The following LBP variants were observed in gnomAD, a reference collection of about 807,000 sequenced individuals.
LBP encodes lipopolysaccharide-binding protein.
LBP carries 53 observed loss-of-function variants against 56.6 expected under a neutral mutation model. The observed-to-expected ratio is 0.94, with a 90% CI of 0.75 to 1.18. The LOEUF is 1.18. LBP is among the 50% of genes most tolerant of loss of function. The probability of loss-of-function intolerance (pLI) is 0.00; values close to 1 mark genes in which losing one functional copy is unlikely to be tolerated. For synonymous variants in LBP, 227 were observed against 247.5 expected, an observed-to-expected ratio of 0.92 and a Z score of 0.78; for missense variants, 601 against 598.3, an observed-to-expected ratio of 1.00 and a Z score of -0.05.
At chr20:38,372,146 T>G (rs916851889) in intron 12 of LBP, among the ~76,000 whole-genome samples, 1 of 152,146 alleles carries the variant, frequency 6.6e-6, no homozygotes, top group African/African-American at 2.4e-5. Flanking sequence ...AAAATCAGTG[T>G]GGGCCAAAGT....
chr20:38,361,813 G>A (rs6025169), intron 6 of LBP, among the ~76,000 whole-genome samples: 9,916 of 151,986 alleles, frequency 0.065, 444 homozygotes, highest in African/African-American at 0.11. Flanking sequence ...GCTCCCAACC[G>A]AGAAACAGAA....
chr20:38,358,079 G>A (rs2076847543), intron 5 of LBP, among the ~76,000 whole-genome samples: 1 of 152,112 alleles, frequency 6.6e-6, no homozygotes, highest in Non-Finnish European at 1.5e-5. Flanking sequence ...AGCTCATCTG[G>A]TGACTAAGAA....
At chr20:38,371,848 C>T (rs1027848833) in intron 12 of LBP, among the ~76,000 whole-genome samples, 8 of 152,150 alleles carry the variant, frequency 5.3e-5, no homozygotes, top group African/African-American at 1.9e-4. Context: ...TCTGTGCTAG[C>T]TCTCATTGGA....
In LBP at chr20:38,374,950, A is replaced by T. The variant is rs1600732427; in HGVS notation, c.1401+937A>T. On this transcript the variant is annotated intron_variant, in intron 14 of 14. Transcript: ENST00000217407. ...AGGCTCCCGCCACCACTCCCAGCTA[A>T]TTTTTTTTTTTTTTTTTTGTATTTT... 5.5e-5 allele frequency among the ~76,000 whole-genome samples: 7 copies of T among 127,142 alleles called. No homozygotes were observed. The South Asian group carries it at 1.0e-3, about 19-fold the overall frequency. 83.4% of individuals were successfully genotyped at this position (127,142 alleles called of 152,430 possible).
At position 38,370,774 on chromosome 20, in the gene LBP, A is replaced by G. The variant is rs755634093; in HGVS notation, c.1186A>G (p.Ser396Gly). Residue 396 changes from serine (S) to glycine (G), a missense_variant, in exon 11 of 15, where the codon AGC (serine) becomes GGC (glycine). Ser to Gly is a moderately conservative substitution (Grantham distance 56, BLOSUM62 0). Transcript: ENST00000217407. ...GTCCGCCACCTTGACCTTCAATACC[A>G]GCAAGATCACTGGGTTCCTGAAGCC... ...NVSATLTFNT[S>G]KITGFLKPGK... is the part of the protein sequence containing the mutation. 2.5e-6 allele frequency: 4 copies of G among 1,613,958 alleles called. No individual in the cohort carries two copies. Among genetic ancestry groups the G allele is most frequent in the East Asian group, 2.2e-5 (1 of 44,880 alleles).
rs1363781707 is a variant in LBP, at chr20:38,364,062, T to C, written c.740T>C (p.Phe247Ser). Reference protein sequence around the residue: ...RATAQMLEVMFKGEIFHRNHR... With the variant: ...RATAQMLEVMSKGEIFHRNHR... The stretch of plus-strand genomic sequence containing the variant: ...ACAGCCCAGATGCTGGAGGTGATGT[T>C]TAAGGTGAGGGTCCTGGGGCCGGGC... Residue 247 changes from phenylalanine to serine, a missense_variant, in exon 7 of 15, where the codon TTT becomes TCT. By Grantham distance (155) the Phe-to-Ser change is radical. Coordinates refer to ENST00000217407, the MANE Select transcript of LBP (RefSeq NM_004139.5). 6 of 1,611,580 alleles carry C rather than the reference T, an allele frequency of 3.7e-6. No homozygotes were observed. Among genetic ancestry groups the C allele is most frequent in the Non-Finnish European group, 5.1e-6 (6 of 1,177,696 alleles).
At chr20:38,373,443 A>T (rs1215368232) in intron 13 of LBP, among the ~76,000 whole-genome samples, 1 of 152,220 alleles carries the variant, frequency 6.6e-6, no homozygotes, top group Non-Finnish European at 1.5e-5. Flanking sequence ...CTGAGGACCA[A>T]GTTAATATAG....
intron 5 of LBP, among the ~76,000 whole-genome samples, chr20:38,358,002 C>T (rs1486373615): frequency 3.9e-5 from 6 of 152,160 alleles, no homozygotes; most frequent in South Asian, 2.1e-4. Context: ...GCTTCTTTAC[C>T]GCATCCTGTT....
chr20:38,363,950 AATTCTGCCCTGTCCTC>A lies in LBP; in HGVS notation c.653-20_653-5del. Reference sequence around the variant, plus strand: ...CAGCTGAAAGTGTCATCTGGCCCCTAATTCTGCCCTGTCCTCATTCACAGTTACAACAGAGATTGAC... The same window carrying A: ...CAGCTGAAAGTGTCATCTGGCCCCTAATTCACAGTTACAACAGAGATTGAC... On this transcript the variant is annotated splice_polypyrimidine_tract_variant and intron_variant, in intron 6 of 14. Transcript: ENST00000217407. 1 of 1,561,938 alleles carries A rather than the reference AATTCTGCCCTGTCCTC, an allele frequency of 6.4e-7. No homozygotes were observed. The highest frequency in any genetic ancestry group is 1.1e-5 in the South Asian group (1 of 89,970).
At chr20:38,357,313 G>A (rs2076844917) in intron 5 of LBP, among the ~76,000 whole-genome samples, 1 of 152,212 alleles carries the variant, frequency 6.6e-6, no homozygotes. Flanking sequence ...TTGTACCAAA[G>A]CCCTTCTAGG....
At chr20:38,362,553 C>T (rs929793367) in intron 6 of LBP, among the ~76,000 whole-genome samples, 1 of 151,006 alleles carries the variant, frequency 6.6e-6, no homozygotes, top group African/African-American at 2.4e-5. Context: ...GCGGAGTTTG[C>T]GGTGAGTTGA....
At chr20:38,369,452 G>A (rs1282080154) in intron 10 of LBP, among the ~76,000 whole-genome samples, 1 of 152,176 alleles carries the variant, frequency 6.6e-6, no homozygotes, top group African/African-American at 2.4e-5. Context: ...CTCACTATGT[G>A]AGTCTGGGCT....
intron 14 of LBP, among the ~76,000 whole-genome samples, chr20:38,376,131 T>C (rs1048434326): frequency 9.2e-5 from 14 of 152,150 alleles, no homozygotes; most frequent in African/African-American, 3.1e-4. Flanking sequence ...GTTTGACATG[T>C]GGAAAGTAAT....
At chr20:38,352,818 A>T (rs1403913367) in intron 3 of LBP, among the ~76,000 whole-genome samples, 1 of 149,836 alleles carries the variant, frequency 6.7e-6, no homozygotes, top group Non-Finnish European at 1.5e-5. Context: ...GCTAATTTTT[A>T]AAATTATTTA....
At chr20:38,356,418 GCGCACACACACACACACA>G (rs1360499156) in intron 5 of LBP, among the ~76,000 whole-genome samples, 1,265 of 48,970 alleles carry the variant, frequency 0.026, 35 homozygotes, top group African/African-American at 0.15. Flanking sequence ...CCACACACAC[GCGCACACACACACACACA>G]CACACACACA....
chr20:38,363,916 C>T (rs1345212828), intron 6 of LBP, 59 bp from the exon 7 acceptor site: 1 of 1,257,608 alleles, frequency 8.0e-7, no homozygotes. Context: ...GCCCTTGCCC[C>T]TCCTCCAGCA....
chr20:38,372,265 C>T (rs2076903325), intron 12 of LBP, among the ~76,000 whole-genome samples: 1 of 152,198 alleles, frequency 6.6e-6, no homozygotes, highest in South Asian at 2.1e-4. Context: ...CACTGACCAC[C>T]TCCACCTGTG....
Position 38,374,913 on chromosome 20 carries a change from G to A in LBP, c.1401+900G>A, listed in dbSNP as rs554411129. 2.5e-4 allele frequency among the ~76,000 whole-genome samples: 37 copies of A among 149,286 alleles called. No homozygotes were observed. The South Asian group carries it at 4.1e-3, about 16-fold the overall frequency. On this transcript the variant is annotated intron_variant, in intron 14 of 14. Coordinates refer to ENST00000217407, the MANE Select transcript of LBP (RefSeq NM_004139.5). ...ATTCTTGAGCCTGAGCCTCTGGAGTGGCTGGAACTACAGGCTCCCGCCACC... is the reference window on the plus strand; with the variant it reads ...ATTCTTGAGCCTGAGCCTCTGGAGTAGCTGGAACTACAGGCTCCCGCCACC...
intron 4 of LBP, 62 bp from the exon 5 acceptor site, chr20:38,355,284 C>A: frequency 6.6e-7 from 1 of 1,506,602 alleles, no homozygotes; most frequent in Non-Finnish European, 9.2e-7. Context: ...GGACCAGGGC[C>A]TGGCTTTCCC....
Sources: gnomAD v4.1 joint callset for allele counts (sites outside exome capture counted in the v4.1 genomes callset) on GRCh38, gnomAD v4.1.1 for gene constraint, MANE v1.5 for transcripts, NCBI Gene and HGNC (gene_info 2026-07-23, HGNC 2026-07-21) for gene names.